Variants in METTL9 observed in about 807,000 individuals in gnomAD.
The protein encoded by METTL9 is methyltransferase 9, His-X-His N1(pi)-histidine, also known as protein-L-histidine N-pros-methyltransferase.
METTL9 carries 10 observed loss-of-function variants against 36.0 expected under a neutral mutation model. The observed-to-expected ratio is 0.28, with a 90% CI of 0.17 to 0.47. The LOEUF is 0.47. Ranked by LOEUF, METTL9 falls within the 20% of genes least tolerant of loss-of-function variation. The pLI, the probability that METTL9 is intolerant of heterozygous loss-of-function variation, is 0.99. For synonymous variants in METTL9, 175 were observed against 149.7 expected (o/e 1.17, Z -1.23); for missense variants, 246 against 383.5 (o/e 0.64, Z 3.00).
At chr16:21,620,138 G>A (rs1219441337) in intron 3 of METTL9, among the ~76,000 whole-genome samples, 2 of 152,178 alleles carry the variant, frequency 1.3e-5, no homozygotes, top group African/African-American at 2.4e-5. Flanking sequence ...TTACAGCTTA[G>A]GGAGATCGAC....
intron 4 of METTL9, among the ~76,000 whole-genome samples, chr16:21,651,282 A>C: frequency 6.6e-6 from 1 of 151,782 alleles, no homozygotes; most frequent in Non-Finnish European, 1.5e-5. Flanking sequence ...CATTTAAACA[A>C]AGCTGTCTCT....
At chr16:21,647,132 C>A in intron 4 of METTL9, 1 of 1,614,166 alleles carries the variant, frequency 6.2e-7, no homozygotes, top group Non-Finnish European at 8.5e-7. Context: ...CGCTGACTGA[C>A]CTCTTACCAC....
chr16:21,632,144 T>C (rs1218048919), intron 4 of METTL9, among the ~76,000 whole-genome samples: 1 of 152,230 alleles, frequency 6.6e-6, no homozygotes, highest in Admixed American at 6.5e-5. Flanking sequence ...TTGCACTGCA[T>C]GCAAAAACTC....
chr16:21,646,133 T>G (rs1284213247), intron 4 of METTL9, among the ~76,000 whole-genome samples: 1 of 143,390 alleles, frequency 7.0e-6, no homozygotes, highest in East Asian at 2.0e-4. Flanking sequence ...CAGAATCATG[T>G]AAAGCTTTTT....
At chr16:21,647,776 C>A (rs1966468254) in intron 4 of METTL9, among the ~76,000 whole-genome samples, 2 of 152,088 alleles carry the variant, frequency 1.3e-5, no homozygotes, top group South Asian at 4.1e-4. Context: ...AGAGGTGGCA[C>A]CGTATTGGAC....
chr16:21,621,864 G>A (rs897348590), intron 3 of METTL9, among the ~76,000 whole-genome samples: 1 of 151,590 alleles, frequency 6.6e-6, no homozygotes, highest in African/African-American at 2.4e-5. Context: ...ACCCGAGATG[G>A]CAAGGCATCT....
At chr16:21,627,131 G>A (rs998985989) in intron 4 of METTL9, 10 of 985,138 alleles carry the variant, frequency 1.0e-5, no homozygotes, top group Admixed American at 6.2e-5. Flanking sequence ...GGCGCGCCAC[G>A]GCACTCTATT....
At chr16:21,644,954 T>C (rs1966387195) in intron 4 of METTL9, among the ~76,000 whole-genome samples, 1 of 152,246 alleles carries the variant, frequency 6.6e-6, no homozygotes, top group African/African-American at 2.4e-5. Context: ...AAATGTGCTC[T>C]TCTTTCTTTA....
At chr16:21,652,590 AG>A in intron 4 of METTL9, 2 of 1,610,550 alleles carry the variant, frequency 1.2e-6, no homozygotes, top group Non-Finnish European at 1.7e-6. Flanking sequence ...TTCTGCTCGC[AG>A]TCCCCATTTC....
At chr16:21,633,795 C>G (rs1451150236) in intron 4 of METTL9, among the ~76,000 whole-genome samples, 1 of 152,138 alleles carries the variant, frequency 6.6e-6, no homozygotes, top group Non-Finnish European at 1.5e-5. Context: ...TAACAGTATC[C>G]TGTAATCCTT....
At chr16:21,645,188 C>G (rs927950941) in intron 4 of METTL9, among the ~76,000 whole-genome samples, 3 of 152,218 alleles carry the variant, frequency 2.0e-5, no homozygotes, top group Admixed American at 1.3e-4. Flanking sequence ...TGTGATGGCT[C>G]ATGCCTGTAA....
upstream of METTL9, chr16:21,599,471 G>T: frequency 1.7e-6 from 2 of 1,172,516 alleles, no homozygotes; most frequent in South Asian, 3.5e-5. This position sits in a 1 kb window ranked among gnomAD's most constrained non-coding sequence, Gnocchi z 4.4. Flanking sequence ...GGGAGAAAGC[G>T]ACGCGGCCGC....
At chr16:21,630,329 C>G (rs940646143) in intron 4 of METTL9, among the ~76,000 whole-genome samples, 1 of 152,246 alleles carries the variant, frequency 6.6e-6, no homozygotes. Context: ...GCCTGCACCT[C>G]TCCCTTCACA....
At chr16:21,652,552 T>C (rs757339391) in intron 4 of METTL9, 1 of 1,611,464 alleles carries the variant, frequency 6.2e-7, no homozygotes, top group Admixed American at 1.7e-5. Context: ...TAGAATGAGA[T>C]TGGTTTGCAG....
At chr16:21,644,635 T>C (rs1176146839) in intron 4 of METTL9, among the ~76,000 whole-genome samples, 1 of 152,204 alleles carries the variant, frequency 6.6e-6, no homozygotes, top group Non-Finnish European at 1.5e-5. Context: ...TTAAAAAAAT[T>C]CAACCAACCA....
intron 2 of METTL9, among the ~76,000 whole-genome samples, chr16:21,613,710 C>A (rs756605559): frequency 6.6e-6 from 1 of 152,058 alleles, no homozygotes; most frequent in African/African-American, 2.4e-5. Flanking sequence ...AGTGAAGAGT[C>A]CTGCATCTGT....
upstream of METTL9, among the ~76,000 whole-genome samples, chr16:21,598,665 C>G (rs3759990): frequency 0.059 from 9,010 of 152,222 alleles, 538 homozygotes; most frequent in East Asian, 0.29. Context: ...CCCTTCAGTT[C>G]TGAAATGTTG....
At chr16:21,654,045 T>TG (rs1282075442) in intron 4 of METTL9, 5 of 142,942 alleles carry the variant, frequency 3.5e-5, no homozygotes, top group African/African-American at 1.3e-4. Context: ...TGTTTTTTTT[T>TG]TTTTTTTTTT....
At chr16:21,640,962 C>T (rs1421625582) in intron 4 of METTL9, 1 of 152,078 alleles carries the variant, frequency 6.6e-6, no homozygotes, top group Admixed American at 6.6e-5. Context: ...CTTTTATGGT[C>T]TTACTCTAGC....
Sources: gnomAD v4.1 joint callset for allele counts (sites outside exome capture counted in the v4.1 genomes callset) on GRCh38, gnomAD v4.1.1 for gene constraint, Gnocchi (gnomAD v3.1) non-coding constraint, MANE v1.5 for transcripts, NCBI Gene and HGNC (gene_info 2026-07-23, HGNC 2026-07-21) for gene names.